PELI2: variants seen among roughly 807,000 people sequenced by gnomAD.
PELI2 encodes the protein E3 ubiquitin-protein ligase pellino homolog 2.
In PELI2, 23 loss-of-function variants were observed where a neutral mutation model predicts 42.3. The ratio of observed to expected loss-of-function variants is 0.54; its 90% CI spans 0.39 to 0.77. PELI2 has a LOEUF of 0.77. Among genes scored for constraint, PELI2 ranks in the 30% least tolerant of loss-of-function variants. The pLI is 0.00. For synonymous variants in PELI2, 245 were observed against 212.2 expected, an observed-to-expected ratio of 1.15 and a Z score of -1.34; for missense variants, 463 against 553.2, an observed-to-expected ratio of 0.84 and a Z score of 1.64.
intron 2 of PELI2, among the ~76,000 whole-genome samples, chr14:56,206,591 A>C (rs1442678182): frequency 1.3e-5 from 2 of 152,224 alleles, no homozygotes; most frequent in Non-Finnish European, 2.9e-5. Context: ...CTACATTCCT[A>C]GAATACACAA....
At chr14:56,195,604 G>A (rs1043577269) in intron 2 of PELI2, among the ~76,000 whole-genome samples, 7 of 152,072 alleles carry the variant, frequency 4.6e-5, no homozygotes, top group African/African-American at 9.7e-5. Context: ...TTTCACTTAC[G>A]AATAGTGGCA....
intron 2 of PELI2, among the ~76,000 whole-genome samples, chr14:56,232,753 G>A (rs1594666093): frequency 7.9e-6 from 1 of 126,682 alleles, no homozygotes; most frequent in East Asian, 2.2e-4. Context: ...TGGAAGTTCT[G>A]GCCAGGGCAG....
chr14:56,166,105 T>C (rs538047933), intron 1 of PELI2, among the ~76,000 whole-genome samples: 24 of 151,712 alleles, frequency 1.6e-4, no homozygotes, highest in South Asian at 1.0e-3. Context: ...TCTGGTGATA[T>C]GACTTAGTTT....
rs551226048 is a variant in PELI2 at position 56,228,056 on chromosome 14, A to G, written c.207+49592A>G. ...TCGAAAATAATGTATCACTCCTAAT[A>G]TACGTAGTACAATGCTTTAATAATT... On this transcript the variant is annotated intron_variant, in intron 2 of 5. Coordinates refer to ENST00000267460, the MANE Select transcript of PELI2 (RefSeq NM_021255.3). Among the ~76,000 whole-genome samples the G allele has an allele frequency of 1.1e-4, 16 of 152,380 alleles. No individual in the cohort carries two copies. The East Asian group carries it at 1.7e-3, about 17-fold the overall frequency.
intron 2 of PELI2, among the ~76,000 whole-genome samples, chr14:56,186,292 A>G (rs1885767561): frequency 6.6e-6 from 1 of 152,194 alleles, no homozygotes; most frequent in Non-Finnish European, 1.5e-5. Flanking sequence ...CTGTAATCAC[A>G]TGGAACTCAA....
chr14:56,144,940 A>G lies in PELI2; in HGVS notation c.77+26203A>G, dbSNP rs966991180. 5.1e-6 allele frequency: 5 copies of G among 980,172 alleles called. No individual in the cohort carries two copies. In the South Asian group the frequency reaches 1.4e-4, roughly 28 times the overall value. 60.7% of individuals were successfully genotyped at this position (980,172 alleles called of 1,614,324 possible). The stretch of plus-strand genomic sequence containing the variant: ...GACTTTACTCTTTGCCGGTGTTTCC[A>G]TTACAGGAGAAGAGGGATGTGGAAG... On this transcript the variant is annotated intron_variant, in intron 1 of 5. Transcript: ENST00000267460.
At chr14:56,258,581 A>G (rs377529474) in intron 2 of PELI2, among the ~76,000 whole-genome samples, 865 of 44,762 alleles carry the variant, frequency 0.019, 8 homozygotes, top group African/African-American at 0.078. Flanking sequence ...TGTCTGAAAT[A>G]AAAAAAAAAA....
intron 2 of PELI2, among the ~76,000 whole-genome samples, chr14:56,181,303 G>T (rs1885569530): frequency 6.9e-6 from 1 of 145,048 alleles, no homozygotes; most frequent in Non-Finnish European, 1.5e-5. Flanking sequence ...CCTTCTTCCT[G>T]TGTCTCTGGC....
At chr14:56,187,376 T>A (rs974906071) in intron 2 of PELI2, among the ~76,000 whole-genome samples, 2 of 152,226 alleles carry the variant, frequency 1.3e-5, no homozygotes, top group African/African-American at 4.8e-5. Context: ...TAGGATAAGC[T>A]GTCAGTCTAA....
chr14:56,143,746 A>G (rs1470875740), intron 1 of PELI2, among the ~76,000 whole-genome samples: 4 of 152,250 alleles, frequency 2.6e-5, no homozygotes, highest in African/African-American at 9.6e-5. Flanking sequence ...GAGTTTCAGC[A>G]TGTTGGCTCC....
At chr14:56,127,250 A>G (rs567834208) in intron 1 of PELI2, among the ~76,000 whole-genome samples, 1 of 152,262 alleles carries the variant, frequency 6.6e-6, no homozygotes, top group Admixed American at 6.5e-5. Flanking sequence ...CACCCAGGAG[A>G]GCTAATGCAT....
chr14:56,127,055 G>A (rs562412349), intron 1 of PELI2, among the ~76,000 whole-genome samples: 16 of 152,218 alleles, frequency 1.1e-4, no homozygotes, highest in African/African-American at 3.1e-4. Flanking sequence ...AGTACTGTAC[G>A]GTTTGAAAAT....
intron 2 of PELI2, among the ~76,000 whole-genome samples, chr14:56,194,430 G>A (rs1292921608): frequency 6.6e-6 from 1 of 152,192 alleles, no homozygotes; most frequent in Non-Finnish European, 1.5e-5. Flanking sequence ...CTGCCCCAGT[G>A]AGTGCCCAGA....
chr14:56,144,093 A>G (rs1884019325), intron 1 of PELI2, among the ~76,000 whole-genome samples: 1 of 152,152 alleles, frequency 6.6e-6, no homozygotes, highest in African/African-American at 2.4e-5. Context: ...ACTACCGCTG[A>G]TTCCAGTCTA....
chr14:56,269,734 G>A (rs1200602508), intron 2 of PELI2, among the ~76,000 whole-genome samples: 3 of 152,120 alleles, frequency 2.0e-5, no homozygotes, highest in East Asian at 3.9e-4. Flanking sequence ...TGTACTATTA[G>A]CGAAACAGTA....
At chr14:56,160,442 GGT>G (rs1239244431) in intron 1 of PELI2, among the ~76,000 whole-genome samples, 4 of 152,132 alleles carry the variant, frequency 2.6e-5, no homozygotes, top group Admixed American at 2.6e-4. Context: ...GATGAATGAT[GGT>G]GTGTGGGTAC....
intron 2 of PELI2, among the ~76,000 whole-genome samples, chr14:56,235,820 A>G (rs1887773572): frequency 6.6e-6 from 1 of 152,202 alleles, no homozygotes; most frequent in African/African-American, 2.4e-5. Context: ...CTGTTAGTAA[A>G]CCATGGGGAA....
chr14:56,184,981 C>T (rs775934982), intron 2 of PELI2, among the ~76,000 whole-genome samples: 6 of 151,962 alleles, frequency 3.9e-5, no homozygotes, highest in African/African-American at 7.2e-5. Flanking sequence ...ACCTGGGATA[C>T]GGTTTCATAA....
chr14:56,156,525 C>T (rs868839772), intron 1 of PELI2, among the ~76,000 whole-genome samples: 34 of 152,164 alleles, frequency 2.2e-4, no homozygotes, highest in African/African-American at 7.0e-4. Context: ...CTAGCATTCA[C>T]GGTTCTTCTG....
Sources: gnomAD v4.1 joint callset for allele counts (sites outside exome capture counted in the v4.1 genomes callset) on GRCh38, gnomAD v4.1.1 for gene constraint, MANE v1.5 for transcripts, NCBI Gene and HGNC (gene_info 2026-07-23, HGNC 2026-07-21) for gene names.